Variants in AMER1 observed in about 807,000 individuals in gnomAD.
AMER1 encodes the protein RP11-403E24.2.
AMER1 carries 16 observed loss-of-function variants against 53.0 expected under a neutral mutation model. The ratio of observed to expected loss-of-function variants is 0.30; its 90% CI spans 0.20 to 0.46. AMER1 has a LOEUF of 0.46. Among genes scored for constraint, AMER1 ranks in the 20% least tolerant of loss-of-function variants. AMER1 has a pLI of 1.00. For missense variants in AMER1, 947 were observed against 884.9 expected, an observed-to-expected ratio of 1.07 and a Z score of -0.89; for synonymous variants, 354 against 331.9, an observed-to-expected ratio of 1.07 and a Z score of -0.73.
At position 64,189,792 on chromosome X, in the gene AMER1, A is replaced by AGGGGGGGGG; in HGVS notation, c.*86_*87insCCCCCCCCC. ...CCAAAGGGTTTTCAAGTTAAACAACAACCCCCACCCCCCCACCCTTCTGCC... is the reference window on the plus strand; with the variant it reads ...CCAAAGGGTTTTCAAGTTAAACAACAGGGGGGGGGACCCCCACCCCCCCACCCTTCTGCC... On this transcript the variant is annotated 3_prime_UTR_variant, in exon 2 of 2. Coordinates refer to ENST00000374869, the MANE Select transcript of AMER1 (RefSeq NM_152424.4). 9 of 746,952 alleles carry AGGGGGGGGG rather than the reference A, an allele frequency of 1.2e-5. No individual in the cohort carries two copies. The highest frequency in any genetic ancestry group is 8.5e-5 in the East Asian group (1 of 11,769). 61.6% of individuals were successfully genotyped at this position (746,952 alleles called of 1,213,427 possible). A position where few individuals can be genotyped will look rare whatever the true frequency, so the allele number is the denominator to read the frequency against.
rs1569191703 is a variant in AMER1, at chrX:64,191,142, A to G, written c.2145T>C (p.Ser715=). 1 of 1,212,178 alleles carries G rather than the reference A, an allele frequency of 8.2e-7. No homozygotes were observed. Among genetic ancestry groups the G allele is most frequent in the Non-Finnish European group, 1.1e-6 (1 of 895,645 alleles). The stretch of plus-strand genomic sequence containing the variant: ...TCTGGAAGAGCTGCATCAGGCAGGT[A>G]CTTTGATCTTTCTTGGAGCAGGTTC... ...YEGTCSKKDQ[S]TCLMQLFQSD... The change falls in exon 2 of 2, where the codon AGT becomes AGC. Residue 715 remains serine, a synonymous_variant. Coordinates refer to ENST00000374869, the MANE Select transcript of AMER1 (RefSeq NM_152424.4).
Position 64,188,275 on chromosome X carries a change from A to T in AMER1, c.*1604T>A, listed in dbSNP as rs1930148237. ...TAATTTGAGTGAACACAGCCAAGCA[A>T]AAAATGTTCCATATGCCATTTCCAA... On this transcript the variant is annotated 3_prime_UTR_variant, in exon 2 of 2. Transcript: ENST00000374869. 6.2e-6 allele frequency: 5 copies of T among 800,929 alleles called. No individual in the cohort carries two copies. In the South Asian group the frequency reaches 3.3e-4, roughly 53 times the overall value. 66.0% of individuals were successfully genotyped at this position (800,929 alleles called of 1,213,427 possible). A position where few individuals can be genotyped will look rare whatever the true frequency, so the allele number is the denominator to read the frequency against.
rs2147090097 is a variant in AMER1 at position 64,192,640 on chromosome X, C to T, written c.647G>A (p.Cys216Tyr). ...AGGGGCTTGGAAGGTCTCCTCAAAG[C>T]AGGGCACCTGAGGGGCTGAGCTCAC... Reference protein sequence around the residue: ...EHVSSAPQVPCFEETFQAPRK... With the variant: ...EHVSSAPQVPYFEETFQAPRK... The change falls in exon 2 of 2, where the codon TGC becomes TAC. Residue 216 changes from cysteine (C) to tyrosine (Y), a missense_variant. Cys to Tyr is a radical substitution (Grantham distance 194). Coordinates refer to ENST00000374869, the MANE Select transcript of AMER1 (RefSeq NM_152424.4). 1 of 1,169,199 alleles carries T rather than the reference C, an allele frequency of 8.6e-7. No individual in the cohort carries two copies. The highest frequency in any genetic ancestry group is 1.1e-6 in the Non-Finnish European group (1 of 877,689).
At position 64,192,329 on chromosome X, in the gene AMER1, T is replaced by C. The variant is rs1236821690; in HGVS notation, c.958A>G (p.Lys320Glu). ...SLLFGDVTSL[K>E]SFDSLTGCGD... ...CAACCTGTCAATGAATCAAAGCTTT[T>C]CAGGGATGTCACATCCCCAAACAAG... Residue 320 changes from lysine to glutamate, a missense_variant, in exon 2 of 2, where the codon AAA (lysine) becomes GAA (glutamate). Physicochemically the swap from Lys to Glu is moderately conservative, Grantham distance 56. Coordinates refer to ENST00000374869, the MANE Select transcript of AMER1 (RefSeq NM_152424.4). The C allele has an allele frequency of 8.2e-7, 1 of 1,212,159 alleles. No homozygotes were observed. Among genetic ancestry groups the C allele is most frequent in the Non-Finnish European group, 1.1e-6 (1 of 895,623 alleles).
At position 64,191,537 on chromosome X, in the gene AMER1, G is replaced by T; in HGVS notation, c.1750C>A (p.Arg584Ser). The change falls in exon 2 of 2, where the codon CGT becomes AGT. Residue 584 changes from arginine (R) to serine (S), a missense_variant. By Grantham distance (110) the Arg-to-Ser change is moderately radical. Coordinates refer to ENST00000374869, the MANE Select transcript of AMER1 (RefSeq NM_152424.4). ...TCCCTGGCATGAGCTTCTCGGGCAC[G>T]TGCCTCCTGGGCCTCAAGCTGCTCC... Reference protein sequence around the residue: ...RREQLEAQEARAREAHAREAH... With the variant: ...RREQLEAQEASAREAHAREAH... 8.3e-7 allele frequency: 1 copy of T among 1,212,029 alleles called. No homozygotes were observed. Among genetic ancestry groups the T allele is most frequent in the South Asian group, 1.8e-5 (1 of 56,975 alleles).
At position 64,189,793 on chromosome X, in the gene AMER1, A is replaced by AGGGGGGGCCCCCCCCCCCCCCCC; in HGVS notation, c.*85_*86insGGGGGGGGGGGGGGGGCCCCCCC. 2 of 292,072 alleles carry AGGGGGGGCCCCCCCCCCCCCCCC rather than the reference A, an allele frequency of 6.8e-6. No individual in the cohort carries two copies. The highest frequency in any genetic ancestry group is 9.8e-6 in the Non-Finnish European group (2 of 204,830). 24.1% of individuals were successfully genotyped at this position (292,072 alleles called of 1,213,427 possible). A position where few individuals can be genotyped will look rare whatever the true frequency, so the allele number is the denominator to read the frequency against. On this transcript the variant is annotated 3_prime_UTR_variant, in exon 2 of 2. Coordinates refer to ENST00000374869, the MANE Select transcript of AMER1 (RefSeq NM_152424.4). Reference sequence around the variant, plus strand: ...CAAAGGGTTTTCAAGTTAAACAACAACCCCCACCCCCCCACCCTTCTGCCC... The same window carrying AGGGGGGGCCCCCCCCCCCCCCCC: ...CAAAGGGTTTTCAAGTTAAACAACAAGGGGGGGCCCCCCCCCCCCCCCCCCCCCACCCCCCCACCCTTCTGCCC...
Position 64,189,793 on chromosome X carries a change from A to ACGGGGGGCCCCCCC in AMER1, c.*85_*86insGGGGGGGCCCCCCG. On this transcript the variant is annotated 3_prime_UTR_variant, in exon 2 of 2. Transcript: ENST00000374869. ...CAAAGGGTTTTCAAGTTAAACAACA[A>ACGGGGGGCCCCCCC]CCCCCACCCCCCCACCCTTCTGCCC... is the stretch of plus-strand genomic sequence containing the variant. 2 of 292,073 alleles carry ACGGGGGGCCCCCCC rather than the reference A, an allele frequency of 6.8e-6. No individual in the cohort carries two copies. The highest frequency in any genetic ancestry group is 4.9e-6 in the Non-Finnish European group (1 of 204,832). 24.1% of individuals were successfully genotyped at this position (292,073 alleles called of 1,213,427 possible).
At chrX:64,201,442 T>TC in intron 1 of AMER1, among the ~76,000 whole-genome samples, 1 of 76,143 alleles carries the variant, frequency 1.3e-5, no homozygotes, top group South Asian at 5.9e-4. Context: ...CGCAACTCCT[T>TC]CCCCCAACAC....
Position 64,192,077 on chromosome X carries a change from C to G in AMER1, c.1210G>C (p.Asp404His), listed in dbSNP as rs768509696. The change falls in exon 2 of 2, where the codon GAT becomes CAT. Residue 404 changes from aspartate to histidine, a missense_variant. Asp to His is a moderately conservative substitution (Grantham distance 81). Transcript: ENST00000374869. ...GTTTCCCACAGATATTCTAAGTCATCATCTTCTTCCTCCTCCTTAACCTCC... is the reference window on the plus strand; with the variant it reads ...GTTTCCCACAGATATTCTAAGTCATGATCTTCTTCCTCCTCCTTAACCTCC... ...EEEVKEEEED[D>H]DLEYLWETAQ... is the part of the protein sequence containing the mutation. 1.5e-5 allele frequency: 18 copies of G among 1,211,754 alleles called. No individual in the cohort carries two copies. In the South Asian group the frequency reaches 2.3e-4, roughly 15 times the overall value.
chrX:64,199,521 T>C (rs1930444167), intron 1 of AMER1, among the ~76,000 whole-genome samples: 1 of 111,828 alleles, frequency 8.9e-6, no homozygotes, highest in South Asian at 3.8e-4. Flanking sequence ...TGGTAAGGAT[T>C]AGAGATGATC....
intron 1 of AMER1, among the ~76,000 whole-genome samples, chrX:64,205,302 G>A (rs1930576052): frequency 9.4e-6 from 1 of 106,836 alleles, no homozygotes; most frequent in Admixed American, 9.8e-5. Context: ...CCGAAAGCCG[G>A]GAGGCTTGGC....
In AMER1 at chrX:64,187,325, C is replaced by T. The variant is rs1930129500; in HGVS notation, c.*2554G>A. 1.9e-5 allele frequency: 15 copies of T among 790,275 alleles called. No homozygotes were observed. The highest frequency in any genetic ancestry group is 7.9e-5 in the Admixed American group (1 of 12,589). The allele number at this position is 790,275 out of a possible 1,213,427, so 65.1% of individuals were successfully genotyped here. A position where few individuals can be genotyped will look rare whatever the true frequency, so the allele number is the denominator to read the frequency against. On this transcript the variant is annotated 3_prime_UTR_variant, in exon 2 of 2. Coordinates refer to ENST00000374869, the MANE Select transcript of AMER1 (RefSeq NM_152424.4). ...CACTTCAGGTGGTAAGGATCCTATT[C>T]CTGGGCTGGCTAGGGCAGTGAAGGG...
At position 64,188,867 on chromosome X, in the gene AMER1, A is replaced by C. The variant is rs982734547; in HGVS notation, c.*1012T>G. ...CTTCTCTTCCCTTATCTCAATTAAA[A>C]GACCGTGTTCCTTGTGATGAGATTA... is the stretch of plus-strand genomic sequence containing the variant. On this transcript the variant is annotated 3_prime_UTR_variant, in exon 2 of 2. Coordinates refer to ENST00000374869, the MANE Select transcript of AMER1 (RefSeq NM_152424.4). 3.7e-6 allele frequency: 3 copies of C among 805,494 alleles called. No individual in the cohort carries two copies. The highest frequency in any genetic ancestry group is 4.5e-6 in the Non-Finnish European group (3 of 671,788). 66.4% of individuals were successfully genotyped at this position (805,494 alleles called of 1,213,427 possible). A position where few individuals can be genotyped will look rare whatever the true frequency, so the allele number is the denominator to read the frequency against.
chrX:64,191,178 C>T lies in AMER1; in HGVS notation c.2109G>A (p.Lys703=), dbSNP rs774660606. Residue 703 remains lysine, a synonymous_variant, in exon 2 of 2, where the codon AAG becomes AAA. Transcript: ENST00000374869. Reference sequence around the variant, plus strand: ...TCTTGGAGCAGGTTCCTTCATAACGCTTCTCCAGAGGACGGAAGTCCCTCC... The same window carrying T: ...TCTTGGAGCAGGTTCCTTCATAACGTTTCTCCAGAGGACGGAAGTCCCTCC... The part of the protein sequence containing the change: ...PDWRDFRPLE[K]RYEGTCSKKD... 6 of 1,212,194 alleles carry T rather than the reference C, an allele frequency of 4.9e-6. No homozygotes were observed. Among genetic ancestry groups the T allele is most frequent in the South Asian group, 1.8e-5 (1 of 56,985 alleles).
Position 64,193,048 on chromosome X carries a change from C to T in AMER1, c.239G>A (p.Gly80Asp). ...TTTCTTGGAGCTGCCTTTCCCAGAA[C>T]CTTTGCTCCGTCCCCCTCCAAAGAA... ...PSFFGGGRSK[G>D]SGKGSSKKGL... Residue 80 changes from glycine to aspartate, a missense_variant, in exon 2 of 2, where the codon GGT (glycine) becomes GAT (aspartate). Gly to Asp is a moderately conservative substitution (Grantham distance 94, BLOSUM62 -1). Coordinates refer to ENST00000374869, the MANE Select transcript of AMER1 (RefSeq NM_152424.4). 5 of 1,211,834 alleles carry T rather than the reference C, an allele frequency of 4.1e-6. No homozygotes were observed. Among genetic ancestry groups the T allele is most frequent in the Non-Finnish European group, 5.6e-6 (5 of 895,539 alleles).
At chrX:64,201,625 T>A (rs1930491530) in intron 1 of AMER1, among the ~76,000 whole-genome samples, 1 of 111,966 alleles carries the variant, frequency 8.9e-6, no homozygotes, top group Non-Finnish European at 1.9e-5. Flanking sequence ...TATCACCCAC[T>A]GTATCTGCCC....
At position 64,197,612 on chromosome X, in the gene AMER1, C is replaced by T. The variant is rs1930401096; in HGVS notation, c.-98-4228G>A. On this transcript the variant is annotated intron_variant, in intron 1 of 1. Transcript: ENST00000374869. ...GTAGCTCCAGAGACATGGCCTTGAC[C>T]AGCCATAGTTCCTCAGGCCTGTTCC... 4.4e-5 allele frequency among the ~76,000 whole-genome samples: 5 copies of T among 112,626 alleles called. No individual in the cohort carries two copies. The Admixed American group carries it at 4.7e-4, about 11-fold the overall frequency.
At position 64,189,793 on chromosome X, in the gene AMER1, A is replaced by AGGGGGGGGCCG; in HGVS notation, c.*85_*86insCGGCCCCCCCC. 1 of 292,074 alleles carries AGGGGGGGGCCG rather than the reference A, an allele frequency of 3.4e-6. No homozygotes were observed. The highest frequency in any genetic ancestry group is 4.9e-6 in the Non-Finnish European group (1 of 204,832). The allele number at this position is 292,074 out of a possible 1,213,427, so 24.1% of individuals were successfully genotyped here. ...CAAAGGGTTTTCAAGTTAAACAACA[A>AGGGGGGGGCCG]CCCCCACCCCCCCACCCTTCTGCCC... On this transcript the variant is annotated 3_prime_UTR_variant, in exon 2 of 2. Transcript: ENST00000374869.
In AMER1 at chrX:64,191,948, C is replaced by T. The variant is rs775399750; in HGVS notation, c.1339G>A (p.Gly447Ser). ...GTCAAAAGTTCCCCAGGGGCTAGGCCAGGATAAGACCTAACTGGGTCAAGG... is the reference window on the plus strand; with the variant it reads ...GTCAAAAGTTCCCCAGGGGCTAGGCTAGGATAAGACCTAACTGGGTCAAGG... ...MLLDPVRSYP[G>S]LAPGELLTPQ... The change falls in exon 2 of 2, where the codon GGC becomes AGC. Residue 447 changes from glycine to serine, a missense_variant. By Grantham distance (56) the Gly-to-Ser change is moderately conservative. Transcript: ENST00000374869. 14 of 1,211,505 alleles carry T rather than the reference C, an allele frequency of 1.2e-5. No individual in the cohort carries two copies. The East Asian group carries it at 4.1e-4, about 36-fold the overall frequency.
Sources: allele counts gnomAD v4.1 joint callset (sites outside exome capture counted in the v4.1 genomes callset), GRCh38; gene constraint gnomAD v4.1.1; transcripts MANE v1.5; gene names NCBI Gene and HGNC (gene_info 2026-07-23, HGNC 2026-07-21).